The following XXYLT1 variants were observed in gnomAD, a reference collection of about 807,000 sequenced individuals.
XXYLT1 encodes the protein xyloside xylosyltransferase 1, also known as UDP-xylose:alpha-xyloside alpha-1,3-xylosyltransferase.
Under a neutral mutation model 28.9 loss-of-function variants are expected in XXYLT1, and 20 were observed. The ratio of observed to expected loss-of-function variants is 0.69; its 90% confidence interval spans 0.49 to 1.00. The LOEUF is 1.00. Ranked by LOEUF, XXYLT1 falls within the 50% of genes least tolerant of loss-of-function variation. The probability of loss-of-function intolerance (pLI) is 0.00; values close to 1 mark genes in which losing one functional copy is unlikely to be tolerated. For missense variants in XXYLT1, 542 were observed against 560.1 expected, an observed-to-expected ratio of 0.97 and a Z score of 0.33; for synonymous variants, 257 against 253.8, an observed-to-expected ratio of 1.01 and a Z score of -0.12.
intron 3 of XXYLT1, among the ~76,000 whole-genome samples, chr3:195,144,038 C>A (rs1039374645): frequency 6.7e-6 from 1 of 149,000 alleles, no homozygotes; most frequent in Non-Finnish European, 1.5e-5. Flanking sequence ...GGATTACAGG[C>A]ACCCGCCACC....
chr3:195,171,964 C>T (rs1035070576), intron 2 of XXYLT1, among the ~76,000 whole-genome samples: 1 of 152,164 alleles, frequency 6.6e-6, no homozygotes, highest in Non-Finnish European at 1.5e-5. Flanking sequence ...AGTTATAAAG[C>T]CAGGCGTTAA....
In XXYLT1 at chr3:195,189,592, A is replaced by G. The variant is rs560781891; in HGVS notation, c.653-33011T>C. Among the ~76,000 whole-genome samples, 8 of 152,354 alleles carry G rather than the reference A, an allele frequency of 5.3e-5. No homozygotes were observed. The East Asian group carries it at 1.2e-3, about 22-fold the overall frequency. The stretch of plus-strand genomic sequence containing the variant: ...ATGAAAAGCTCACTAAAGGGACTCA[A>G]TGGAAGATTCAAGATGGCAAAAGAA... On this transcript the variant is annotated intron_variant, in intron 2 of 3. Coordinates refer to ENST00000310380, the MANE Select transcript of XXYLT1 (RefSeq NM_152531.5).
intron 3 of XXYLT1, among the ~76,000 whole-genome samples, chr3:195,106,470 G>A (rs1298159789): frequency 1.3e-5 from 2 of 152,236 alleles, no homozygotes; most frequent in Non-Finnish European, 2.9e-5. Context: ...CCTTCTCCCG[G>A]GCCTCACGGC....
At chr3:195,263,316 G>A (rs1725747586) in intron 1 of XXYLT1, among the ~76,000 whole-genome samples, 1 of 152,216 alleles carries the variant, frequency 6.6e-6, no homozygotes, top group African/African-American at 2.4e-5. Flanking sequence ...TAAAGTGGAT[G>A]CGAAGGTTTA....
intron 3 of XXYLT1, chr3:195,086,143 GCC>G (rs1206991841): frequency 6.6e-6 from 1 of 152,350 alleles, no homozygotes; most frequent in Admixed American, 6.5e-5. Flanking sequence ...CCCACAGCTG[GCC>G]GCGCTGTGTG....
intron 2 of XXYLT1, among the ~76,000 whole-genome samples, chr3:195,215,124 G>C (rs1188454370): frequency 6.6e-6 from 1 of 151,176 alleles, no homozygotes; most frequent in African/African-American, 2.4e-5. Context: ...CAAATGCTGA[G>C]AGATTTTGTC....
rs559971312 is a variant in XXYLT1 at position 195,248,067 on chromosome 3, C to T, written c.505-21211G>A. 5 of 523,360 alleles carry T rather than the reference C, an allele frequency of 9.6e-6. No individual in the cohort carries two copies. In the East Asian group the frequency reaches 1.6e-4, roughly 17 times the overall value. 32.4% of individuals were successfully genotyped at this position (523,360 alleles called of 1,614,324 possible). On this transcript the variant is annotated intron_variant, in intron 1 of 3. Transcript: ENST00000310380. The stretch of plus-strand genomic sequence containing the variant: ...CAGCCACTTTCCAAGGCTGCCTGCT[C>T]TCCTGGGTTTCACAAAGCCGCTCAT...
chr3:195,254,322 G>C (rs1231349081), intron 1 of XXYLT1, among the ~76,000 whole-genome samples: 1 of 152,210 alleles, frequency 6.6e-6, no homozygotes, highest in African/African-American at 2.4e-5. Flanking sequence ...ACGCAGGCTC[G>C]AAGCCTGACG....
At chr3:195,088,326 A>C (rs867118031) in intron 3 of XXYLT1, among the ~76,000 whole-genome samples, 2 of 149,414 alleles carry the variant, frequency 1.3e-5, no homozygotes, top group East Asian at 2.0e-4. Context: ...CCCAGCACGC[A>C]GCTGGAGATC....
intron 3 of XXYLT1, among the ~76,000 whole-genome samples, chr3:195,071,703 C>T (rs1714823882): frequency 6.6e-6 from 1 of 152,134 alleles, no homozygotes; most frequent in Non-Finnish European, 1.5e-5. Context: ...AGTGTGGCAG[C>T]TGTGTGTTCA....
At chr3:195,204,715 C>T (rs892853068) in intron 2 of XXYLT1, among the ~76,000 whole-genome samples, 29 of 152,314 alleles carry the variant, frequency 1.9e-4, no homozygotes, top group African/African-American at 4.1e-4. Context: ...GAAGCCAAGA[C>T]GAACTTCATT....
chr3:195,143,407 G>A (rs61184819), intron 3 of XXYLT1, among the ~76,000 whole-genome samples: 1 of 152,092 alleles, frequency 6.6e-6, no homozygotes, highest in African/African-American at 2.4e-5. Context: ...CTTAATTGTC[G>A]ATATTTTGAA....
In XXYLT1 at chr3:195,115,184, C is replaced by T. The variant is rs1043923999; in HGVS notation, c.785+41265G>A. Among the ~76,000 whole-genome samples the T allele has an allele frequency of 6.6e-6, 1 of 152,220 alleles. No individual in the cohort carries two copies. The highest frequency in any genetic ancestry group is 1.9e-4 in the East Asian group (1 of 5,198). On this transcript the variant is annotated intron_variant, in intron 3 of 3. Coordinates refer to ENST00000310380, the MANE Select transcript of XXYLT1 (RefSeq NM_152531.5). The surrounding 1 kb of genome is among the most constrained non-coding windows in gnomAD (Gnocchi z 4.2). Reference sequence around the variant, plus strand: ...CGGGAACTAGTGTGCTCACATGAGACGTGCCCGGTGAGAATGTGGCTTCTG... The same window carrying T: ...CGGGAACTAGTGTGCTCACATGAGATGTGCCCGGTGAGAATGTGGCTTCTG...
chr3:195,119,098 A>C (rs1022904339), intron 3 of XXYLT1, among the ~76,000 whole-genome samples: 2 of 151,882 alleles, frequency 1.3e-5, no homozygotes, highest in African/African-American at 4.8e-5. Flanking sequence ...CAGCATGGTG[A>C]AACCCTGTCT....
At chr3:195,251,103 C>G (rs1005784057) in intron 1 of XXYLT1, among the ~76,000 whole-genome samples, 8 of 152,236 alleles carry the variant, frequency 5.3e-5, no homozygotes, top group African/African-American at 1.9e-4. Flanking sequence ...CAGACCATCT[C>G]ACTGAGCACA....
intron 2 of XXYLT1, among the ~76,000 whole-genome samples, chr3:195,185,817 T>C (rs1423947721): frequency 6.6e-6 from 1 of 152,124 alleles, no homozygotes; most frequent in Non-Finnish European, 1.5e-5. Context: ...CCCATCTACA[T>C]ACCTGGACAC....
chr3:195,215,830 C>A (rs999896278), intron 2 of XXYLT1, among the ~76,000 whole-genome samples: 6 of 152,202 alleles, frequency 3.9e-5, no homozygotes, highest in Non-Finnish European at 7.3e-5. Context: ...ACCTAATAGA[C>A]ATCTACAGAA....
intron 1 of XXYLT1, among the ~76,000 whole-genome samples, chr3:195,238,760 T>C (rs1192667205): frequency 6.6e-6 from 1 of 152,086 alleles, no homozygotes; most frequent in Non-Finnish European, 1.5e-5. Context: ...CACAGATCAG[T>C]TTTCACTCCT....
intron 1 of XXYLT1, among the ~76,000 whole-genome samples, chr3:195,238,197 C>T (rs1724634817): frequency 6.6e-6 from 1 of 152,156 alleles, no homozygotes; most frequent in Admixed American, 6.5e-5. Flanking sequence ...GGCAGTCTCC[C>T]GTCTACTGGC....
Sources: gnomAD v4.1 joint callset for allele counts (sites outside exome capture counted in the v4.1 genomes callset) on GRCh38, gnomAD v4.1.1 for gene constraint, Gnocchi (gnomAD v3.1) non-coding constraint, MANE v1.5 for transcripts, NCBI Gene and HGNC (gene_info 2026-07-23, HGNC 2026-07-21) for gene names.